Variants in NFIL3 observed in about 807,000 individuals in gnomAD.
The protein encoded by NFIL3 is nuclear factor interleukin-3-regulated protein.
Under a neutral mutation model 10.0 loss-of-function variants are expected in NFIL3, and 5 were observed. The ratio of observed to expected loss-of-function variants is 0.50; its 90% CI spans 0.26 to 1.06. NFIL3 has a LOEUF of 1.06. NFIL3 is among the 50% of genes least tolerant of loss of function. The probability of loss-of-function intolerance (pLI) is 0.13; values close to 1 mark genes in which losing one functional copy is unlikely to be tolerated. For missense variants in NFIL3, 436 were observed against 547.6 expected (o/e 0.80, Z 2.03); for synonymous variants, 202 against 206.5 (o/e 0.98, Z 0.19).
the NFIL3 span, among the ~76,000 whole-genome samples, chr9:91,445,788 G>C: frequency 2.6e-4 from 39 of 152,282 alleles, no homozygotes; most frequent in East Asian, 6.8e-3. Flanking sequence ...TGTTAGCTCA[G>C]ACCCTGAGGG....
At chr9:91,443,730 T>G in the NFIL3 span, among the ~76,000 whole-genome samples, 1 of 152,134 alleles carries the variant, frequency 6.6e-6, no homozygotes, top group Admixed American at 6.5e-5. Context: ...GCAGGACTCT[T>G]GCCCCAACAA....
chr9:91,480,858 T>A, the NFIL3 span, among the ~76,000 whole-genome samples: 1 of 152,220 alleles, frequency 6.6e-6, no homozygotes, highest in Non-Finnish European at 1.5e-5. Flanking sequence ...CCATACATAA[T>A]GCACCTTTAG....
the NFIL3 span, among the ~76,000 whole-genome samples, chr9:91,440,166 GT>G: frequency 2.6e-5 from 4 of 151,960 alleles, no homozygotes; most frequent in Non-Finnish European, 5.9e-5. Context: ...TTGGGGGAGG[GT>G]TTTGATTATT....
At chr9:91,472,395 G>T in the NFIL3 span, among the ~76,000 whole-genome samples, 1 of 152,150 alleles carries the variant, frequency 6.6e-6, no homozygotes, top group Non-Finnish European at 1.5e-5. Flanking sequence ...TGGAGGCTTT[G>T]TTAATTTCTT....
In NFIL3 at chr9:91,410,620, A is replaced by C. The variant is rs780192764; in HGVS notation, c.115T>G (p.Ser39Ala). The C allele has an allele frequency of 1.2e-6, 2 of 1,614,114 alleles. No individual in the cohort carries two copies. Among genetic ancestry groups the C allele is most frequent in the Non-Finnish European group, 1.7e-6 (2 of 1,180,042 alleles). ...AGAAGCAGCTCCTCACCTGTTGTGG[A>C]GTCTTCTGACACTTCCGTTAAAGCA... ...NSALTEVSEDSTTGEELLLSE... is the reference protein window; with the variant it reads ...NSALTEVSEDATTGEELLLSE... Residue 39 changes from serine (S) to alanine (A), a missense_variant, in exon 2 of 2, where the codon TCC becomes GCC. Physicochemically the swap from Ser to Ala is moderately conservative, Grantham distance 99 (BLOSUM62 1). Around this residue, in one of 3 missense-constraint regions of NFIL3, gnomAD observed 76 missense variants for 73.0 expected, o/e 1.04. Coordinates refer to ENST00000297689, the MANE Select transcript of NFIL3 (RefSeq NM_005384.3). The surrounding 1 kb of genome is among the most constrained non-coding windows in gnomAD (Gnocchi z 5.7).
At chr9:91,480,965 G>T in the NFIL3 span, among the ~76,000 whole-genome samples, 4 of 152,186 alleles carry the variant, frequency 2.6e-5, no homozygotes, top group Non-Finnish European at 5.9e-5. Context: ...CGCAGAGGGT[G>T]ACCTTAAAAG....
At chr9:91,468,854 G>A in the NFIL3 span, among the ~76,000 whole-genome samples, 15,069 of 152,148 alleles carry the variant, frequency 0.099, 819 homozygotes, top group East Asian at 0.23. Flanking sequence ...TTGTAGATGT[G>A]TGATGTTGTT....
At chr9:91,416,771 T>C (rs1833665982) in intron 1 of NFIL3, among the ~76,000 whole-genome samples, 1 of 152,238 alleles carries the variant, frequency 6.6e-6, no homozygotes, top group South Asian at 2.1e-4. Context: ...GCAAGAATTA[T>C]ATAGCAAGAA....
intron 1 of NFIL3, among the ~76,000 whole-genome samples, chr9:91,423,226 C>T (rs1279502718): frequency 6.6e-6 from 1 of 152,114 alleles, no homozygotes; most frequent in Non-Finnish European, 1.5e-5. Context: ...CCCCCTACGC[C>T]GCCAGCCCCA....
the NFIL3 span, among the ~76,000 whole-genome samples, chr9:91,432,140 G>C: frequency 6.6e-6 from 1 of 152,162 alleles, no homozygotes; most frequent in Non-Finnish European, 1.5e-5. Context: ...ACAACCCCAT[G>C]ATGTAGGGTA....
chr9:91,473,506 C>T, the NFIL3 span, among the ~76,000 whole-genome samples: 23 of 152,354 alleles, frequency 1.5e-4, no homozygotes, highest in South Asian at 8.3e-4. Context: ...GCGTGGGACC[C>T]GCCGAGCCAG....
the NFIL3 span, among the ~76,000 whole-genome samples, chr9:91,443,266 G>A: frequency 0.013 from 2,021 of 152,304 alleles, 48 homozygotes; most frequent in African/African-American, 0.047. Flanking sequence ...AAAAAGCGCC[G>A]TAAGTTCTCA....
At chr9:91,449,558 C>G in the NFIL3 span, among the ~76,000 whole-genome samples, 20 of 152,170 alleles carry the variant, frequency 1.3e-4, no homozygotes, top group Admixed American at 8.5e-4. Context: ...ATAAATCCCA[C>G]TTGGTTGTGG....
the NFIL3 span, among the ~76,000 whole-genome samples, chr9:91,460,019 G>A: frequency 3.9e-5 from 6 of 152,004 alleles, no homozygotes; most frequent in Admixed American, 6.5e-5. Context: ...GGTTTTATAC[G>A]TTCCTTTGTT....
At chr9:91,443,274 T>TC in the NFIL3 span, among the ~76,000 whole-genome samples, 1 of 152,322 alleles carries the variant, frequency 6.6e-6, no homozygotes, top group South Asian at 2.1e-4. Flanking sequence ...CCGTAAGTTC[T>TC]CATTCCAGTC....
At chr9:91,439,052 A>G in the NFIL3 span, among the ~76,000 whole-genome samples, 3 of 152,162 alleles carry the variant, frequency 2.0e-5, no homozygotes, top group African/African-American at 4.8e-5. Context: ...AATTTCTGTG[A>G]CAAATGTTAT....
At chr9:91,424,325 T>G (rs984220952), upstream of NFIL3, among the ~76,000 whole-genome samples, 4 of 152,156 alleles carry the variant, frequency 2.6e-5, no homozygotes, top group African/African-American at 7.2e-5. Flanking sequence ...TGTTGCCGAC[T>G]GAGCACTGCG....
chr9:91,445,469 C>T, the NFIL3 span, among the ~76,000 whole-genome samples: 2 of 152,140 alleles, frequency 1.3e-5, no homozygotes. Flanking sequence ...TGGGGGACTA[C>T]TCCAGTTTTA....
At chr9:91,481,481 C>T in the NFIL3 span, among the ~76,000 whole-genome samples, 2 of 151,966 alleles carry the variant, frequency 1.3e-5, no homozygotes, top group African/African-American at 4.8e-5. Flanking sequence ...TCATAGTCAT[C>T]TGCTTTTTGA....
Sources: gnomAD v4.1 joint callset for allele counts (sites outside exome capture counted in the v4.1 genomes callset) on GRCh38, gnomAD v4.1.1 for gene constraint, gnomAD v4.1.1 regional missense constraint, Gnocchi (gnomAD v3.1) non-coding constraint, MANE v1.5 for transcripts, NCBI Gene and HGNC (gene_info 2026-07-23, HGNC 2026-07-21) for gene names.